Variants in FMN1 observed in about 807,000 individuals in gnomAD.
FMN1 encodes formin 1, also known as formin-1.
Under a neutral mutation model 132.4 loss-of-function variants are expected in FMN1, and 110 were observed. That is an observed-to-expected ratio of 0.83 (90% CI 0.71 to 0.97). The LOEUF (loss-of-function observed/expected upper bound fraction) is 0.97. Among genes scored for constraint, FMN1 ranks in the 50% least tolerant of loss-of-function variants. The probability of loss-of-function intolerance (pLI) is 0.00; values close to 1 mark genes in which losing one functional copy is unlikely to be tolerated. For synonymous variants in FMN1, 722 were observed against 651.7 expected, an observed-to-expected ratio of 1.11 and a Z score of -1.64; for missense variants, 1,792 against 1,705.3, an observed-to-expected ratio of 1.05 and a Z score of -0.90.
At chr15:32,861,351 T>C (rs1401099878) in intron 16 of FMN1, among the ~76,000 whole-genome samples, 1 of 152,180 alleles carries the variant, frequency 6.6e-6, no homozygotes, top group Non-Finnish European at 1.5e-5. Flanking sequence ...GCTCTCCCTT[T>C]GTGCTAGATG....
chr15:32,817,927 G>A (rs765743013), intron 17 of FMN1, among the ~76,000 whole-genome samples: 15 of 152,186 alleles, frequency 9.9e-5, no homozygotes, highest in Non-Finnish European at 1.8e-4. Context: ...CAATAAGAAT[G>A]AATGTTACAG....
intron 6 of FMN1, among the ~76,000 whole-genome samples, chr15:33,048,191 G>T (rs1224404251): frequency 6.6e-6 from 1 of 152,122 alleles, no homozygotes; most frequent in Non-Finnish European, 1.5e-5. Flanking sequence ...ATGCTTTAAG[G>T]TCATAAACTG....
chr15:32,971,163 G>C (rs1265346429), intron 7 of FMN1, among the ~76,000 whole-genome samples: 2 of 152,178 alleles, frequency 1.3e-5, no homozygotes, highest in African/African-American at 2.4e-5. Context: ...TTTTATAAAA[G>C]TAAAATGAGA....
At chr15:32,802,069 ATTTGAAATTTCTATTTG>A (rs897619312) in intron 18 of FMN1, among the ~76,000 whole-genome samples, 5 of 152,230 alleles carry the variant, frequency 3.3e-5, no homozygotes, top group Admixed American at 3.3e-4. Context: ...CAATCATGCG[ATTTGAAATTTCTATTTG>A]TTAGCAGATA....
intron 6 of FMN1, among the ~76,000 whole-genome samples, chr15:33,054,379 A>G (rs2037120451): frequency 6.6e-6 from 1 of 152,110 alleles, no homozygotes; most frequent in Admixed American, 6.5e-5. Flanking sequence ...TTTTCATCTA[A>G]ATATTCTTAT....
At chr15:32,958,655 G>C (rs538786174) in intron 9 of FMN1, among the ~76,000 whole-genome samples, 2 of 152,306 alleles carry the variant, frequency 1.3e-5, no homozygotes, top group Admixed American at 1.3e-4. Context: ...CTAGAAATTA[G>C]TATCTGAGTT....
chr15:32,767,277 A>G lies in FMN1; in HGVS notation c.*7033T>C, dbSNP rs2056080397. On this transcript the variant is annotated 3_prime_UTR_variant, in exon 21 of 21. Transcript: ENST00000616417. ...CAAGATACCAGTTATATGAAGACAT[A>G]AAACTGCATGGATCAGGTGCACTTT... 6.6e-6 allele frequency: 1 copy of G among 152,212 alleles called. No homozygotes were observed. Among genetic ancestry groups the G allele is most frequent in the Admixed American group, 6.5e-5 (1 of 15,280 alleles). The allele number at this position is 152,212 out of a possible 1,614,324, so 9.4% of individuals were successfully genotyped here.
chr15:33,122,065 C>A lies in FMN1; in HGVS notation c.1867+30983G>T, dbSNP rs72721485. ...GTCAGGCCAATAGACAAAGAACAGA[C>A]AAATAAAGAATACTACTCTGGAAGT... On this transcript the variant is annotated intron_variant, in intron 4 of 20. Coordinates refer to ENST00000616417, the MANE Select transcript of FMN1 (RefSeq NM_001277313.2). 1.8e-3 allele frequency among the ~76,000 whole-genome samples: 267 copies of A among 152,208 alleles called. 2 individuals are homozygous for A. Among genetic ancestry groups the A allele is most frequent in the Non-Finnish European group, 3.1e-3 (208 of 68,004 alleles).
At chr15:33,016,234 T>C (rs1313863919) in intron 6 of FMN1, among the ~76,000 whole-genome samples, 1 of 152,140 alleles carries the variant, frequency 6.6e-6, no homozygotes, top group African/African-American at 2.4e-5. Context: ...TAAATACAAA[T>C]TCAAACAAAC....
chr15:33,060,154 ACAGGG>A (rs2037418325), intron 6 of FMN1, among the ~76,000 whole-genome samples: 1 of 143,760 alleles, frequency 7.0e-6, no homozygotes, highest in South Asian at 2.2e-4. Flanking sequence ...ATAGCAGGCT[ACAGGG>A]GTCTATGAAA....
At chr15:33,013,159 A>G (rs11637853) in intron 6 of FMN1, 53,383 of 378,638 alleles carry the variant, frequency 0.14, 4,270 homozygotes, top group African/African-American at 0.22. Context: ...AACTCAGCAA[A>G]GCACAGTGGT....
intron 6 of FMN1, chr15:33,064,018 A>T (rs1173587875): frequency 6.6e-6 from 1 of 152,224 alleles, no homozygotes; most frequent in Non-Finnish European, 1.5e-5. Context: ...TGTAAATGAA[A>T]GCTAGAAATC....
At chr15:32,831,113 G>C (rs960587915) in intron 17 of FMN1, among the ~76,000 whole-genome samples, 1 of 152,136 alleles carries the variant, frequency 6.6e-6, no homozygotes, top group African/African-American at 2.4e-5. Context: ...GTAAAATGGA[G>C]ATAATAATAG....
chr15:32,827,836 T>A (rs2058406900), intron 17 of FMN1, among the ~76,000 whole-genome samples: 1 of 147,744 alleles, frequency 6.8e-6, no homozygotes, highest in South Asian at 2.1e-4. Flanking sequence ...AGAGCAAGAC[T>A]CCGTCTCAAG....
chr15:32,972,547 G>A (rs548955298), intron 7 of FMN1, among the ~76,000 whole-genome samples: 19 of 152,246 alleles, frequency 1.2e-4, no homozygotes, highest in African/African-American at 4.1e-4. Context: ...AGAGTTGACT[G>A]TTGCACAAGC....
In FMN1 at chr15:33,010,449, CA is replaced by C. The variant is rs201863785; in HGVS notation, c.2162-2375del. Among the ~76,000 whole-genome samples, 1,181 of 151,624 alleles carry C rather than the reference CA, an allele frequency of 7.8e-3. 14 individuals are homozygous for C. The highest frequency in any genetic ancestry group is 0.027 in the African/African-American group (1,127 of 41,372). ...ACATTAAGTTCAAGAAAAAGTACAC[CA>C]AAAAAAGGATGTTAATTTGTTTTAA... On this transcript the variant is annotated intron_variant, in intron 6 of 20. Coordinates refer to ENST00000616417, the MANE Select transcript of FMN1 (RefSeq NM_001277313.2).
chr15:32,926,032 T>G, intron 10 of FMN1, 142 bp downstream of exon 10: 1 of 537,110 alleles, frequency 1.9e-6, no homozygotes. Flanking sequence ...AAAACAAGAG[T>G]GAGTTGATGG....
At chr15:32,893,986 T>C (rs1567342148) in intron 15 of FMN1, among the ~76,000 whole-genome samples, 1 of 152,232 alleles carries the variant, frequency 6.6e-6, no homozygotes, top group Non-Finnish European at 1.5e-5. Flanking sequence ...TAGTACCTGC[T>C]GTCAAAACCT....
intron 6 of FMN1, among the ~76,000 whole-genome samples, chr15:33,020,742 G>A (rs2035375761): frequency 6.6e-6 from 1 of 151,862 alleles, no homozygotes; most frequent in Non-Finnish European, 1.5e-5. Context: ...GTATATAAAA[G>A]AAACAGCACA....
Sources: gnomAD v4.1 joint callset for allele counts (sites outside exome capture counted in the v4.1 genomes callset) on GRCh38, gnomAD v4.1.1 for gene constraint, MANE v1.5 for transcripts, NCBI Gene and HGNC (gene_info 2026-07-23, HGNC 2026-07-21) for gene names.